The following CACNA1E variants were observed in gnomAD, a reference collection of about 807,000 sequenced individuals.
The protein encoded by CACNA1E is calcium voltage-gated channel subunit alpha1 E.
In CACNA1E, 40 loss-of-function variants were observed where a neutral mutation model predicts 259.2. The observed-to-expected ratio is 0.15, with a 90% CI of 0.12 to 0.20. The LOEUF is 0.20. Ranked by LOEUF, CACNA1E falls within the 10% of genes least tolerant of loss-of-function variation. CACNA1E has a pLI of 1.00. For synonymous variants in CACNA1E, 1,104 were observed against 1,138.5 expected (o/e 0.97, Z 0.61); for missense variants, 1,874 against 3,040.1 (o/e 0.62, Z 9.02).
intron 1 of CACNA1E, among the ~76,000 whole-genome samples, chr1:181,330,005 C>T (rs1307822831): frequency 6.6e-6 from 1 of 152,216 alleles, no homozygotes; most frequent in African/African-American, 2.4e-5. Flanking sequence ...CTCCCAGTCC[C>T]TGACTCAGGA....
chr1:181,320,221 G>A (rs762323341), intron 1 of CACNA1E, among the ~76,000 whole-genome samples: 2 of 152,174 alleles, frequency 1.3e-5, no homozygotes, highest in Non-Finnish European at 2.9e-5. Flanking sequence ...GTGTGAGAGA[G>A]AAGGAAGAGG....
At chr1:181,466,065 T>C (rs552787527) in intron 2 of CACNA1E, among the ~76,000 whole-genome samples, 4 of 152,370 alleles carry the variant, frequency 2.6e-5, no homozygotes, top group African/African-American at 4.8e-5. Flanking sequence ...TTTTGCTTTT[T>C]CTCATTCACT....
At chr1:181,681,351 C>T (rs1649952004) in intron 7 of CACNA1E, among the ~76,000 whole-genome samples, 1 of 152,172 alleles carries the variant, frequency 6.6e-6, no homozygotes, top group Non-Finnish European at 1.5e-5. Context: ...ATTAATTTCC[C>T]CTACCAAAAA....
intron 25 of CACNA1E, among the ~76,000 whole-genome samples, chr1:181,744,965 G>T (rs898955052): frequency 2.0e-5 from 3 of 152,204 alleles, no homozygotes; most frequent in Admixed American, 1.3e-4. Flanking sequence ...TGACACTCCA[G>T]TTTAAAAGTC....
chr1:181,576,085 C>T (rs956572158), intron 3 of CACNA1E, among the ~76,000 whole-genome samples: 20 of 152,276 alleles, frequency 1.3e-4, no homozygotes, highest in African/African-American at 4.8e-4. Flanking sequence ...CCCCAAGTCC[C>T]CCCGTTTCTG....
chr1:181,405,180 A>G (rs1284538749), intron 1 of CACNA1E, among the ~76,000 whole-genome samples: 1 of 152,232 alleles, frequency 6.6e-6, no homozygotes, highest in Non-Finnish European at 1.5e-5. Context: ...CACCTCCAAG[A>G]AAATCACTTC....
At chr1:181,456,611 C>A (rs1571912785) in intron 2 of CACNA1E, among the ~76,000 whole-genome samples, 2 of 152,316 alleles carry the variant, frequency 1.3e-5, no homozygotes, top group African/African-American at 2.4e-5. Flanking sequence ...TTACGCCTCC[C>A]TCTGGGGCTG....
At chr1:181,702,500 G>A (rs1003553999) in intron 7 of CACNA1E, among the ~76,000 whole-genome samples, 8 of 152,026 alleles carry the variant, frequency 5.3e-5, no homozygotes, top group African/African-American at 1.7e-4. Flanking sequence ...CTGACCAATC[G>A]TTTCCCAATG....
intron 2 of CACNA1E, among the ~76,000 whole-genome samples, chr1:181,415,010 C>CTCA (rs1236200598): frequency 3.3e-5 from 5 of 152,192 alleles, no homozygotes; most frequent in African/African-American, 1.2e-4. Flanking sequence ...AGTAAGTCAC[C>CTCA]TCATCATGAC....
chr1:181,714,095 T>G (rs1311984418), intron 8 of CACNA1E, among the ~76,000 whole-genome samples: 1 of 152,134 alleles, frequency 6.6e-6, no homozygotes, highest in East Asian at 1.9e-4. Flanking sequence ...CCCCACAGGT[T>G]AAAGGCTCGG....
intron 7 of CACNA1E, among the ~76,000 whole-genome samples, chr1:181,672,539 A>T (rs1648915323): frequency 6.6e-6 from 1 of 152,178 alleles, no homozygotes; most frequent in African/African-American, 2.4e-5. Flanking sequence ...ACACCTATGA[A>T]TAGGAGGGAA....
chr1:181,795,767 A>AATATAAATATAT (rs1661743093), intron 46 of CACNA1E, among the ~76,000 whole-genome samples: 1 of 113,278 alleles, frequency 8.8e-6, no homozygotes, highest in Non-Finnish European at 2.0e-5. Flanking sequence ...TTTTGCTTTA[A>AATATAAATATAT]ATATATATAT....
intron 1 of CACNA1E, among the ~76,000 whole-genome samples, chr1:181,324,904 G>A (rs551067455): frequency 6.6e-6 from 1 of 152,140 alleles, no homozygotes; most frequent in South Asian, 2.1e-4. Context: ...GCAGGAATTG[G>A]GAAGAGACGT....
rs576229054 is a variant in CACNA1E at position 181,723,686 on chromosome 1, C to T, written c.2075-784C>T. Among the ~76,000 whole-genome samples the T allele has an allele frequency of 5.9e-5, 9 of 152,304 alleles. No individual in the cohort carries two copies. The East Asian group carries it at 1.7e-3, about 29-fold the overall frequency. On this transcript the variant is annotated intron_variant, in intron 16 of 47. Coordinates refer to ENST00000367573, the MANE Select transcript of CACNA1E (RefSeq NM_001205293.3). ...TGAAGGCTATAATTCGGGGTTCCCA[C>T]AACCCCCTTCCTGGGTTTGGTTAAT...
At chr1:181,366,637 C>A (rs1470695876) in intron 1 of CACNA1E, among the ~76,000 whole-genome samples, 1 of 152,140 alleles carries the variant, frequency 6.6e-6, no homozygotes, top group Non-Finnish European at 1.5e-5. Context: ...GGCTACGTGG[C>A]CGACTGCAAT....
At chr1:181,544,819 C>A (rs1647277214) in intron 3 of CACNA1E, among the ~76,000 whole-genome samples, 1 of 152,162 alleles carries the variant, frequency 6.6e-6, no homozygotes, top group Non-Finnish European at 1.5e-5. Context: ...TTACATGGGG[C>A]AGCAAATGAC....
At chr1:181,778,966 G>A (rs569054340) in intron 38 of CACNA1E, among the ~76,000 whole-genome samples, 30 of 152,336 alleles carry the variant, frequency 2.0e-4, no homozygotes, top group African/African-American at 1.9e-4. Flanking sequence ...GCAGAAAGCC[G>A]CTGACTTCCC....
intron 26 of CACNA1E, 106 bp downstream of exon 26, chr1:181,750,593 G>A (rs534121338): frequency 9.5e-7 from 1 of 1,049,414 alleles, no homozygotes; most frequent in East Asian, 2.4e-5. Flanking sequence ...GAAAAGAGTG[G>A]TCAGTTTTTA....
At chr1:181,447,282 T>C (rs1168795658) in intron 2 of CACNA1E, among the ~76,000 whole-genome samples, 2 of 152,092 alleles carry the variant, frequency 1.3e-5, no homozygotes, top group African/African-American at 4.8e-5. Flanking sequence ...TTCCCAGAGC[T>C]TTGGGAGGCC....
Sources: gnomAD v4.1 joint callset for allele counts (sites outside exome capture counted in the v4.1 genomes callset) on GRCh38, gnomAD v4.1.1 for gene constraint, MANE v1.5 for transcripts, NCBI Gene and HGNC (gene_info 2026-07-23, HGNC 2026-07-21) for gene names.